TNNI3K: variants seen among roughly 807,000 people sequenced by gnomAD.
TNNI3K encodes TNNI3 interacting kinase, also known as serine/threonine-protein kinase TNNI3K.
TNNI3K carries 140 observed loss-of-function variants against 114.5 expected under a neutral mutation model. The observed-to-expected ratio is 1.22, with a 90% CI of 1.07 to 1.41. The LOEUF (loss-of-function observed/expected upper bound fraction) is 1.41. Ranked by LOEUF, TNNI3K falls within the 40% of genes most tolerant of loss-of-function variation. The probability of loss-of-function intolerance (pLI) is 0.00; values close to 1 mark genes in which losing one functional copy is unlikely to be tolerated. For synonymous variants in TNNI3K, 347 were observed against 347.5 expected (o/e 1.00, Z 0.02); for missense variants, 1,125 against 1,007.6 (o/e 1.12, Z -1.58).
At chr1:74,435,368 A>G (rs1184604335) in intron 17 of TNNI3K, among the ~76,000 whole-genome samples, 3 of 152,114 alleles carry the variant, frequency 2.0e-5, no homozygotes, top group Admixed American at 1.3e-4. Flanking sequence ...TTGTGAAATG[A>G]TTACCATAAT....
chr1:74,293,619 A>G (rs956703614), intron 5 of TNNI3K, among the ~76,000 whole-genome samples: 1 of 151,594 alleles, frequency 6.6e-6, no homozygotes, highest in African/African-American at 2.4e-5. Context: ...AATGATTTAT[A>G]TTTACCATGG....
At chr1:74,447,153 T>C (rs1478218519) in intron 20 of TNNI3K, among the ~76,000 whole-genome samples, 4 of 151,466 alleles carry the variant, frequency 2.6e-5, no homozygotes, top group Admixed American at 2.0e-4. Flanking sequence ...TTTCACGATA[T>C]TGATTCTTCC....
intron 17 of TNNI3K, among the ~76,000 whole-genome samples, chr1:74,390,410 G>T (rs1224249379): frequency 6.6e-6 from 1 of 152,122 alleles, no homozygotes; most frequent in African/African-American, 2.4e-5. Flanking sequence ...ATTATAAAAG[G>T]TACAGGAGTG....
At position 74,314,593 on chromosome 1, in the gene TNNI3K, G is replaced by A. The variant is rs1005173854; in HGVS notation, c.445-16857G>A. Among the ~76,000 whole-genome samples, 3 of 152,138 alleles carry A rather than the reference G, an allele frequency of 2.0e-5. No individual in the cohort carries two copies. In the East Asian group the frequency reaches 5.8e-4, roughly 29 times the overall value. ...CAACAGCAGAACATTAAGTCATGCA[G>A]GAAGTCACCCTAAGTACAGCATCCT... On this transcript the variant is annotated intron_variant, in intron 5 of 24. Transcript: ENST00000326637.
intron 17 of TNNI3K, among the ~76,000 whole-genome samples, chr1:74,434,770 A>C (rs1666049920): frequency 6.6e-6 from 1 of 152,042 alleles, no homozygotes; most frequent in East Asian, 1.9e-4. Flanking sequence ...CTGCAAGAAA[A>C]ATGATTTTAA....
intron 24 of TNNI3K, 42 bp from the exon 25 acceptor site, chr1:74,543,851 TGGGGGATGTACTG>T: frequency 6.2e-7 from 1 of 1,606,730 alleles, no homozygotes. Context: ...TATAAAAAAT[TGGGGGATGTACTG>T]AAAGACTAGT....
At chr1:74,459,446 G>C (rs538214248) in intron 20 of TNNI3K, among the ~76,000 whole-genome samples, 1 of 152,262 alleles carries the variant, frequency 6.6e-6, no homozygotes, top group South Asian at 2.1e-4. Flanking sequence ...TCAAAGATAA[G>C]AGCTAAATGA....
At chr1:74,418,395 G>T in intron 17 of TNNI3K, 1 of 165,756 alleles carries the variant, frequency 6.0e-6, no homozygotes, top group Non-Finnish European at 1.3e-5. Context: ...TATTTAGACA[G>T]CTCATTCTAA....
At chr1:74,302,877 T>G (rs1019094620) in intron 5 of TNNI3K, among the ~76,000 whole-genome samples, 1 of 152,190 alleles carries the variant, frequency 6.6e-6, no homozygotes, top group Non-Finnish European at 1.5e-5. Context: ...AGATAAGTGA[T>G]GAAGGTGGCT....
chr1:74,390,885 G>A (rs990585923), intron 17 of TNNI3K, among the ~76,000 whole-genome samples: 6 of 151,638 alleles, frequency 4.0e-5, no homozygotes, highest in Admixed American at 2.6e-4. Context: ...AAAGATATGG[G>A]TGGGAGGTTA....
intron 7 of TNNI3K, among the ~76,000 whole-genome samples, chr1:74,336,800 G>T (rs568423057): frequency 3.3e-5 from 5 of 151,404 alleles, no homozygotes; most frequent in Non-Finnish European, 5.9e-5. Context: ...GAATAATGCC[G>T]CAATAAACAT....
chr1:74,520,461 C>T (rs1646416010), intron 23 of TNNI3K, among the ~76,000 whole-genome samples: 1 of 151,954 alleles, frequency 6.6e-6, no homozygotes, highest in Non-Finnish European at 1.5e-5. Flanking sequence ...AATCGACCTT[C>T]TCATTTCTGA....
intron 2 of TNNI3K, among the ~76,000 whole-genome samples, chr1:74,246,804 G>A (rs142767836): frequency 2.6e-5 from 4 of 152,258 alleles, no homozygotes; most frequent in East Asian, 1.9e-4. Context: ...GTCCAATATT[G>A]TATAGCAATA....
At chr1:74,354,218 T>G in intron 11 of TNNI3K, 89 bp downstream of exon 11, 1 of 1,562,500 alleles carries the variant, frequency 6.4e-7, no homozygotes, top group Admixed American at 1.8e-5. Context: ...TTTGCTTGCA[T>G]GACTTGAACA....
chr1:74,249,607 G>T, intron 3 of TNNI3K, 63 bp downstream of exon 3: 3 of 1,530,900 alleles, frequency 2.0e-6, no homozygotes, highest in African/African-American at 2.8e-5. Flanking sequence ...AGTGACTTGA[G>T]CTGCTTAATA....
At position 74,293,489 on chromosome 1, in the gene TNNI3K, T is replaced by G. The variant is rs1336308571; in HGVS notation, c.444+21781T>G. Among the ~76,000 whole-genome samples the G allele has an allele frequency of 2.0e-5, 3 of 151,762 alleles. No individual in the cohort carries two copies. In the East Asian group the frequency reaches 5.8e-4, roughly 29 times the overall value. Reference sequence around the variant, plus strand: ...ATCAGATTGGTAATTCTGTGATTTTTGATAGAACTATTTTTTAAATTTAAA... The same window carrying G: ...ATCAGATTGGTAATTCTGTGATTTTGGATAGAACTATTTTTTAAATTTAAA... On this transcript the variant is annotated intron_variant, in intron 5 of 24. Transcript: ENST00000326637.
chr1:74,310,078 G>A (rs1658896554), intron 5 of TNNI3K, among the ~76,000 whole-genome samples: 1 of 152,046 alleles, frequency 6.6e-6, no homozygotes, highest in African/African-American at 2.4e-5. Context: ...TCCTCCAAAA[G>A]ACTCCTAGAC....
intron 21 of TNNI3K, chr1:74,480,828 G>A (rs570291675): frequency 1.4e-6 from 1 of 717,566 alleles, no homozygotes; most frequent in African/African-American, 1.7e-5. Context: ...AGCCCATGCA[G>A]GGCATCTTCC....
chr1:74,436,584 C>G, intron 19 of TNNI3K, 58 bp downstream of exon 19: 1 of 1,531,990 alleles, frequency 6.5e-7, no homozygotes, highest in South Asian at 1.3e-5. Flanking sequence ...GTAAACTCAG[C>G]ATGAGAGGAC....
Sources: gnomAD v4.1 joint callset for allele counts (sites outside exome capture counted in the v4.1 genomes callset) on GRCh38, gnomAD v4.1.1 for gene constraint, MANE v1.5 for transcripts, NCBI Gene and HGNC (gene_info 2026-07-23, HGNC 2026-07-21) for gene names.